The following FANCA variants were observed in gnomAD, a reference collection of about 807,000 sequenced individuals.
FANCA encodes Fanconi anemia group A protein.
FANCA carries 236 observed loss-of-function variants against 194.3 expected under a neutral mutation model. The ratio of observed to expected loss-of-function variants is 1.21; its 90% CI spans 1.09 to 1.35. FANCA has a LOEUF of 1.35. Ranked by LOEUF, FANCA falls within the 40% of genes most tolerant of loss-of-function variation. The pLI is 0.00. For synonymous variants in FANCA, 1,014 were observed against 715.8 expected (o/e 1.42, Z -6.65); for missense variants, 2,628 against 1,813.9 (o/e 1.45, Z -8.15).
intron 23 of FANCA, 52 bp from the exon 24 acceptor site, chr16:89,770,686 G>T (rs934717094): frequency 5.9e-5 from 89 of 1,502,390 alleles, no homozygotes; most frequent in Non-Finnish European, 7.5e-5. Flanking sequence ...GGGAGCAGCA[G>T]GAAGGAAGCC....
Position 89,739,332 on chromosome 16 carries a change from A to T in FANCA, c.4011-43T>A, listed in dbSNP as rs778348461. The T allele has an allele frequency of 3.7e-6, 6 of 1,612,222 alleles. No homozygotes were observed. The South Asian group carries it at 6.6e-5, about 18-fold the overall frequency. On this transcript the variant is annotated intron_variant, in intron 40 of 42. Transcript: ENST00000389301. ...GTGACAAATGGCTACAGACTGCTGGAAAGGTAGCAGGTGATGCCAAGGGAT... is the reference window on the plus strand; with the variant it reads ...GTGACAAATGGCTACAGACTGCTGGTAAGGTAGCAGGTGATGCCAAGGGAT...
rs761871960 is a variant in FANCA, at chr16:89,779,830, A to G, written c.1715+39T>C. 38 of 1,561,686 alleles carry G rather than the reference A, an allele frequency of 2.4e-5. No individual in the cohort carries two copies. The African/African-American group carries it at 3.4e-4, about 14-fold the overall frequency. ...AGGCATCAGAGCGCGGTCTGCACACACTGCAGCTGCTAGAGGCCTTTTCGG... is the reference window on the plus strand; with the variant it reads ...AGGCATCAGAGCGCGGTCTGCACACGCTGCAGCTGCTAGAGGCCTTTTCGG... On this transcript the variant is annotated intron_variant, in intron 18 of 42. Transcript: ENST00000389301.
At chr16:89,771,966 T>C in intron 22 of FANCA, 152 bp from the exon 23 acceptor site, 1 of 939,624 alleles carries the variant, frequency 1.1e-6, no homozygotes, top group Non-Finnish European at 1.7e-6. Flanking sequence ...CCAGTGTTTG[T>C]TCGCCCCGCA....
rs371464360 is a variant in FANCA, at chr16:89,746,593, G to C, written c.3504C>G (p.Thr1168=). The C allele has an allele frequency of 1.1e-5, 18 of 1,613,848 alleles. No homozygotes were observed. The Admixed American group carries it at 2.2e-4, about 19-fold the overall frequency. The change falls in exon 35 of 43, where the codon ACC becomes ACG. Residue 1168 remains threonine, a synonymous_variant. Transcript: ENST00000389301. ...KCQTKCPLIL[T]SALVWWPSLE... Reference sequence around the variant, plus strand: ...AAGACAGCTGACCCACCAGAGCAGAGGTCAAAATTAAGGGGCATTTCGTCT... The same window carrying C: ...AAGACAGCTGACCCACCAGAGCAGACGTCAAAATTAAGGGGCATTTCGTCT...
chr16:89,812,646 C>CAAAAAAAAAAAAAAAA lies in FANCA; in HGVS notation c.284-1591_284-1576dup, dbSNP rs71137677. On this transcript the variant is annotated intron_variant, in intron 3 of 42. Coordinates refer to ENST00000389301, the MANE Select transcript of FANCA (RefSeq NM_000135.4). ...GGGTAACAAGAGCAATACTCCGTCT[C>CAAAAAAAAAAAAAAAA]AAAAAAAAAAAAAAAAAAAAAAAAC... Among the ~76,000 whole-genome samples, 176 of 42,278 alleles carry CAAAAAAAAAAAAAAAA rather than the reference C, an allele frequency of 4.2e-3. 9 individuals are homozygous for CAAAAAAAAAAAAAAAA. The highest frequency in any genetic ancestry group is 0.02 in the Middle Eastern group (1 of 50). The allele number at this position is 42,278 out of a possible 152,430, so 27.7% of individuals were successfully genotyped here. A position where few individuals can be genotyped will look rare whatever the true frequency, so the allele number is the denominator to read the frequency against.
chr16:89,799,910 C>T (rs1047024661), intron 8 of FANCA, among the ~76,000 whole-genome samples: 2 of 152,180 alleles, frequency 1.3e-5, no homozygotes, highest in African/African-American at 2.4e-5. Context: ...AGGAGAATGG[C>T]GTGAACCCGG....
intron 21 of FANCA, among the ~76,000 whole-genome samples, chr16:89,775,081 C>G (rs980643439): frequency 4.6e-5 from 7 of 151,808 alleles, no homozygotes; most frequent in African/African-American, 1.7e-4. Context: ...CAGAGCGAGA[C>G]TCTGTCTCAA....
chr16:89,761,398 G>T (rs950827530), intron 29 of FANCA, among the ~76,000 whole-genome samples: 14 of 135,296 alleles, frequency 1.0e-4, no homozygotes, highest in African/African-American at 3.7e-4. Flanking sequence ...CAGCCTGGGT[G>T]ACAGAGCAAG....
intron 20 of FANCA, chr16:89,778,429 G>C (rs2039586836): frequency 3.1e-6 from 1 of 327,568 alleles, no homozygotes; most frequent in African/African-American, 2.4e-5. Flanking sequence ...TTGTGCAATT[G>C]CACTCCAGCC....
At chr16:89,794,580 C>A (rs2040180985) in intron 11 of FANCA, among the ~76,000 whole-genome samples, 1 of 151,926 alleles carries the variant, frequency 6.6e-6, no homozygotes. Flanking sequence ...TGGGAATAAA[C>A]CAATCATGGT....
chr16:89,778,340 C>T (rs544685149), intron 20 of FANCA: 3 of 364,540 alleles, frequency 8.2e-6, no homozygotes, highest in Non-Finnish European at 1.6e-5. Context: ...GTGGTGCATA[C>T]CTATAATCCC....
In FANCA at chr16:89,799,579, T is replaced by G; in HGVS notation, c.826+26A>C. On this transcript the variant is annotated intron_variant, in intron 9 of 42. Coordinates refer to ENST00000389301, the MANE Select transcript of FANCA (RefSeq NM_000135.4). ...AATAAGCAAACTAAGTCATTTACAG[T>G]CTGGGCTGCAGTGCAATTAACTTAC... 2 of 1,608,146 alleles carry G rather than the reference T, an allele frequency of 1.2e-6. 1 individual carries two copies. Among genetic ancestry groups the G allele is most frequent in the South Asian group, 2.2e-5 (2 of 90,944 alleles).
intron 20 of FANCA, among the ~76,000 whole-genome samples, chr16:89,777,596 G>C (rs952925869): frequency 6.6e-6 from 1 of 151,546 alleles, no homozygotes; most frequent in Admixed American, 6.6e-5. Context: ...AAGGCTCTTT[G>C]TGTTTATCTT....
Position 89,808,355 on chromosome 16 carries a change from G to GC in FANCA, c.534dup (p.Leu179AlafsTer2), listed in dbSNP as rs1255920490. 6.2e-7 allele frequency: 1 copy of GC among 1,613,934 alleles called. No homozygotes were observed. The highest frequency in any genetic ancestry group is 8.5e-7 in the Non-Finnish European group (1 of 1,180,012). On this transcript the variant is annotated frameshift_variant, in exon 6 of 43. Coordinates refer to ENST00000389301, the MANE Select transcript of FANCA (RefSeq NM_000135.4). LOFTEE classifies it high-confidence loss of function. ...ACGTGAAGATGCCACACCGCTTCAAGCAACAAAGAACTCTGAAAAACAAAA... is the reference window on the plus strand; with the variant it reads ...ACGTGAAGATGCCACACCGCTTCAAGCCAACAAAGAACTCTGAAAAACAAAA...
intron 8 of FANCA, among the ~76,000 whole-genome samples, chr16:89,800,940 G>C (rs983076951): frequency 6.6e-6 from 1 of 151,646 alleles, no homozygotes; most frequent in Non-Finnish European, 1.5e-5. Flanking sequence ...GACTGAGGCA[G>C]GAGAATAGCT....
rs371624767 is a variant in FANCA, at chr16:89,805,271, T to C, written c.709+9A>G. 1.4e-5 allele frequency: 23 copies of C among 1,608,558 alleles called. No homozygotes were observed. In the African/African-American group the frequency reaches 1.9e-4, roughly 13 times the overall value. The stretch of plus-strand genomic sequence containing the variant: ...TTACCCAAGAACCCGCATCTTGTCA[T>C]GAACGCACCAGAAAGCATGGCCCTG... On this transcript the variant is annotated intron_variant, in intron 7 of 42. Coordinates refer to ENST00000389301, the MANE Select transcript of FANCA (RefSeq NM_000135.4).
chr16:89,758,508 A>T, intron 30 of FANCA, 69 bp downstream of exon 30: 2 of 1,586,446 alleles, frequency 1.3e-6, no homozygotes, highest in Admixed American at 1.7e-5. Context: ...ATGGCCAGAA[A>T]CTCCCCTTTA....
intron 17 of FANCA, 147 bp from the exon 18 acceptor site, chr16:89,780,104 G>GT: frequency 1.3e-6 from 1 of 766,288 alleles, no homozygotes; most frequent in Non-Finnish European, 2.3e-6. Flanking sequence ...GCGCACAGCA[G>GT]GGGCCCTGGA....
At chr16:89,756,840 G>A (rs2038783543) in intron 30 of FANCA, among the ~76,000 whole-genome samples, 1 of 152,160 alleles carries the variant, frequency 6.6e-6, no homozygotes, top group Admixed American at 6.5e-5. Flanking sequence ...CATGTCTCAG[G>A]CAGCCTAGAG....
Sources: gnomAD v4.1 joint callset for allele counts (sites outside exome capture counted in the v4.1 genomes callset) on GRCh38, gnomAD v4.1.1 for gene constraint, MANE v1.5 for transcripts, NCBI Gene and HGNC (gene_info 2026-07-23, HGNC 2026-07-21) for gene names.